Variants in PRKCE observed in about 807,000 individuals in gnomAD.
The protein encoded by PRKCE is protein kinase C epsilon type.
A neutral mutation model predicts 85.4 loss-of-function variants in PRKCE; 16 were observed. The observed-to-expected ratio is 0.19, with a 90% CI of 0.13 to 0.28. The LOEUF is 0.28. Ranked by LOEUF, PRKCE falls within the 10% of genes least tolerant of loss-of-function variation. PRKCE has a pLI of 1.00. For missense variants in PRKCE, 573 were observed against 975.2 expected, an observed-to-expected ratio of 0.59 and a Z score of 5.49; for synonymous variants, 388 against 371.5, an observed-to-expected ratio of 1.04 and a Z score of -0.51.
intron 1 of PRKCE, among the ~76,000 whole-genome samples, chr2:45,693,252 A>G (rs1677882177): frequency 6.6e-6 from 1 of 152,226 alleles, no homozygotes; most frequent in South Asian, 2.1e-4. Context: ...GTTCAGGCAG[A>G]GAGTAAACTT....
chr2:46,053,661 G>A (rs1708994725), intron 10 of PRKCE, among the ~76,000 whole-genome samples: 2 of 152,276 alleles, frequency 1.3e-5, no homozygotes, highest in South Asian at 2.1e-4. Context: ...GTTCACCCAT[G>A]TTGTGGCATG....
chr2:46,085,137 G>T (rs909056314), intron 10 of PRKCE, among the ~76,000 whole-genome samples: 2 of 152,112 alleles, frequency 1.3e-5, no homozygotes, highest in African/African-American at 4.8e-5. Context: ...TAATAGTCAA[G>T]AAACGGTGCA....
intron 2 of PRKCE, among the ~76,000 whole-genome samples, chr2:45,915,343 A>T (rs1472223082): frequency 6.6e-6 from 1 of 152,172 alleles, no homozygotes; most frequent in African/African-American, 2.4e-5. Context: ...TTAAGTATTT[A>T]ATGCATCTGT....
At chr2:46,045,356 G>T (rs1356351969) in intron 10 of PRKCE, among the ~76,000 whole-genome samples, 1 of 152,216 alleles carries the variant, frequency 6.6e-6, no homozygotes, top group African/African-American at 2.4e-5. Flanking sequence ...TTTAAGGGCT[G>T]TTAAAGCAAT....
chr2:45,876,349 A>T lies in PRKCE; in HGVS notation c.412+33286A>T, dbSNP rs553287784. 3.9e-5 allele frequency among the ~76,000 whole-genome samples: 6 copies of T among 152,320 alleles called. No homozygotes were observed. In the East Asian group the frequency reaches 9.6e-4, roughly 24 times the overall value. The stretch of plus-strand genomic sequence containing the variant: ...GTTCTTTCCAAGTCAACTCCAGCTT[A>T]TCTTTGCCTCGCATTTCATACTCCA... On this transcript the variant is annotated intron_variant, in intron 2 of 14. Coordinates refer to ENST00000306156, the MANE Select transcript of PRKCE (RefSeq NM_005400.3).
intron 11 of PRKCE, among the ~76,000 whole-genome samples, chr2:46,102,823 A>G (rs1671364227): frequency 6.6e-6 from 1 of 152,220 alleles, no homozygotes; most frequent in East Asian, 1.9e-4. Flanking sequence ...ATTACATCAC[A>G]TCAAAGGTCC....
Position 45,950,250 on chromosome 2 carries a change from G to A in PRKCE, c.413-26179G>A, listed in dbSNP as rs557614320. Among the ~76,000 whole-genome samples the A allele has an allele frequency of 5.3e-5, 8 of 152,212 alleles. No individual in the cohort carries two copies. The East Asian group carries it at 1.2e-3, about 22-fold the overall frequency. Reference sequence around the variant, plus strand: ...CAGTGAAGTTGTTTTTACCTTTACTGAAAATCAATATATTTACCAAAAATG... The same window carrying A: ...CAGTGAAGTTGTTTTTACCTTTACTAAAAATCAATATATTTACCAAAAATG... On this transcript the variant is annotated intron_variant, in intron 2 of 14. Transcript: ENST00000306156.
chr2:45,969,580 C>T (rs1384883594), intron 2 of PRKCE, among the ~76,000 whole-genome samples: 2 of 152,206 alleles, frequency 1.3e-5, no homozygotes, highest in Non-Finnish European at 2.9e-5. Context: ...CCGGTGGTTT[C>T]CCTCTTCTCT....
At chr2:46,164,283 A>G (rs1218424109) in intron 14 of PRKCE, among the ~76,000 whole-genome samples, 1 of 152,226 alleles carries the variant, frequency 6.6e-6, no homozygotes, top group Admixed American at 6.5e-5. Flanking sequence ...GAAAGGATCA[A>G]GTCTGTGAGC....
intron 1 of PRKCE, among the ~76,000 whole-genome samples, chr2:45,754,921 A>T (rs2104775553): frequency 6.6e-6 from 1 of 152,340 alleles, no homozygotes; most frequent in Middle Eastern, 3.4e-3. Context: ...ATTTTTCTGG[A>T]CAGAGACCTG....
intron 10 of PRKCE, among the ~76,000 whole-genome samples, chr2:46,017,418 A>G (rs145473957): frequency 1.3e-5 from 2 of 152,340 alleles, no homozygotes; most frequent in East Asian, 3.9e-4. Context: ...ATACTATTCT[A>G]TCATGTGTAT....
chr2:45,742,118 C>G (rs952855721), intron 1 of PRKCE, among the ~76,000 whole-genome samples: 1 of 152,052 alleles, frequency 6.6e-6, no homozygotes, highest in African/African-American at 2.4e-5. Context: ...CTATGTCAAA[C>G]TAAAAAGCTT....
intron 1 of PRKCE, among the ~76,000 whole-genome samples, chr2:45,705,568 A>T (rs1211529650): frequency 1.3e-5 from 2 of 152,194 alleles, no homozygotes; most frequent in African/African-American, 4.8e-5. Context: ...AGGCATGACA[A>T]ATCTTAAGGA....
chr2:45,782,488 G>A (rs943493771), intron 1 of PRKCE, among the ~76,000 whole-genome samples: 4 of 152,070 alleles, frequency 2.6e-5, no homozygotes, highest in South Asian at 2.1e-4. Context: ...ATCTCCAGCC[G>A]GTGACATATC....
chr2:46,179,455 A>G (rs987855695), intron 14 of PRKCE, among the ~76,000 whole-genome samples: 1 of 151,854 alleles, frequency 6.6e-6, no homozygotes, highest in African/African-American at 2.4e-5. Flanking sequence ...CTGACCTGAA[A>G]CTCTTATTTC....
intron 1 of PRKCE, among the ~76,000 whole-genome samples, chr2:45,731,573 G>C (rs1190313976): frequency 6.6e-6 from 1 of 151,874 alleles, no homozygotes; most frequent in African/African-American, 2.4e-5. Flanking sequence ...GTTACTAATG[G>C]GGAAACCTAA....
chr2:46,138,863 A>G lies in PRKCE; in HGVS notation c.1593-6230A>G, dbSNP rs952574231. On this transcript the variant is annotated intron_variant, in intron 11 of 14. Coordinates refer to ENST00000306156, the MANE Select transcript of PRKCE (RefSeq NM_005400.3). The surrounding 1 kb of genome is among the most constrained non-coding windows in gnomAD (Gnocchi z 4.2). ...CAGGATTATCCAGTCCCAAATGTCA[A>G]TCTCGTCCCAGCATGCCAAGGTTAA... is the stretch of plus-strand genomic sequence containing the variant. Among the ~76,000 whole-genome samples the G allele has an allele frequency of 2.0e-5, 3 of 152,152 alleles. No individual in the cohort carries two copies. The highest frequency in any genetic ancestry group is 4.4e-5 in the Non-Finnish European group (3 of 68,020).
intron 4 of PRKCE, 152 bp downstream of exon 4, chr2:45,979,162 A>G (rs1702688230): frequency 2.6e-6 from 2 of 756,342 alleles, no homozygotes; most frequent in South Asian, 3.5e-5. Flanking sequence ...TTACTTCTGC[A>G]TATATGGGAA....
intron 2 of PRKCE, among the ~76,000 whole-genome samples, chr2:45,942,938 C>T (rs1196462759): frequency 6.6e-6 from 1 of 152,160 alleles, no homozygotes; most frequent in African/African-American, 2.4e-5. Context: ...GTCCCCCCAA[C>T]CTCTTATTCT....
Sources: gnomAD v4.1 joint callset for allele counts (sites outside exome capture counted in the v4.1 genomes callset) on GRCh38, gnomAD v4.1.1 for gene constraint, Gnocchi (gnomAD v3.1) non-coding constraint, MANE v1.5 for transcripts, NCBI Gene and HGNC (gene_info 2026-07-23, HGNC 2026-07-21) for gene names.